Variants in PCDH15 observed in about 807,000 individuals in gnomAD.
The protein encoded by PCDH15 is protocadherin-15.
Under a neutral mutation model 178.5 loss-of-function variants are expected in PCDH15, and 129 were observed. The ratio of observed to expected loss-of-function variants is 0.72; its 90% CI spans 0.63 to 0.84. The LOEUF is 0.84. Among genes scored for constraint, PCDH15 ranks in the 40% least tolerant of loss-of-function variants. The pLI is 0.00. For synonymous variants in PCDH15, 800 were observed against 732.0 expected, an observed-to-expected ratio of 1.09 and a Z score of -1.50; for missense variants, 2,230 against 2,099.9, an observed-to-expected ratio of 1.06 and a Z score of -1.21.
intron 28 of PCDH15, among the ~76,000 whole-genome samples, chr10:53,854,232 C>A (rs1318229658): frequency 1.3e-5 from 2 of 151,834 alleles, no homozygotes; most frequent in African/African-American, 4.8e-5. Context: ...TGTAGGAAGA[C>A]AAAAGGTTGT....
chr10:54,742,965 A>G (rs562357876), intron 1 of PCDH15, among the ~76,000 whole-genome samples: 33 of 152,206 alleles, frequency 2.2e-4, no homozygotes, highest in African/African-American at 7.2e-4. Flanking sequence ...AAGTCTGGTA[A>G]AAGTTACAAA....
intron 1 of PCDH15, among the ~76,000 whole-genome samples, chr10:55,288,275 T>G (rs1842923460): frequency 2.7e-5 from 4 of 150,914 alleles, no homozygotes; most frequent in African/African-American, 9.7e-5. Flanking sequence ...AATAGACATG[T>G]TCATATTCAA....
At chr10:54,312,621 G>A (rs1383660571) in intron 8 of PCDH15, among the ~76,000 whole-genome samples, 1 of 152,100 alleles carries the variant, frequency 6.6e-6, no homozygotes, top group Non-Finnish European at 1.5e-5. Flanking sequence ...AGAGGCTTCA[G>A]TGGGGTGAAA....
chr10:54,476,261 G>T (rs2078264199), intron 3 of PCDH15, among the ~76,000 whole-genome samples: 1 of 151,762 alleles, frequency 6.6e-6, no homozygotes, highest in Non-Finnish European at 1.5e-5. Flanking sequence ...TACACTCAAG[G>T]CCCCTCATGC....
chr10:54,015,549 A>G (rs2092714374), intron 20 of PCDH15, among the ~76,000 whole-genome samples: 1 of 152,196 alleles, frequency 6.6e-6, no homozygotes, highest in Non-Finnish European at 1.5e-5. Context: ...GTACAAAAGC[A>G]GACATATAGA....
chr10:53,841,973 G>A (rs72793175), intron 28 of PCDH15, among the ~76,000 whole-genome samples: 27,525 of 147,344 alleles, frequency 0.19, 2,997 homozygotes, highest in Non-Finnish European at 0.26. Flanking sequence ...AAACAACCCC[G>A]GGAACCTGAA....
At chr10:55,394,727 T>C (rs1323639838) in intron 2 of PCDH15, among the ~76,000 whole-genome samples, 1 of 151,636 alleles carries the variant, frequency 6.6e-6, no homozygotes, top group Non-Finnish European at 1.5e-5. Context: ...TTAAGTGTAA[T>C]ATAATTAAAG....
At chr10:53,858,216 T>C (rs2078882208) in intron 27 of PCDH15, among the ~76,000 whole-genome samples, 1 of 152,102 alleles carries the variant, frequency 6.6e-6, no homozygotes, top group South Asian at 2.1e-4. Context: ...ACACTCTGAG[T>C]TAGGCATATT....
intron 3 of PCDH15, among the ~76,000 whole-genome samples, chr10:54,491,027 G>A (rs2079540441): frequency 6.6e-6 from 1 of 152,134 alleles, no homozygotes; most frequent in Non-Finnish European, 1.5e-5. Context: ...ATGGTCTGCA[G>A]CAAATGTGAA....
intron 2 of PCDH15, among the ~76,000 whole-genome samples, chr10:55,331,895 G>A (rs138114464): frequency 2.0e-4 from 31 of 152,114 alleles, no homozygotes; most frequent in African/African-American, 7.2e-4. Flanking sequence ...ATATGACAGC[G>A]TTCCATGATA....
rs1009077765 is a variant in PCDH15 at position 53,806,293 on chromosome 10, C to T, written c.*286G>A. ...ATAAATGATTATTTAGTAATTATTT[C>T]TTGTTTATTAAAATGAACAAAAATT... On this transcript the variant is annotated 3_prime_UTR_variant, in exon 38 of 38. Transcript: ENST00000644397. 7.1e-6 allele frequency: 2 copies of T among 281,020 alleles called. No homozygotes were observed. Among genetic ancestry groups the T allele is most frequent in the African/African-American group, 4.4e-5 (2 of 45,456 alleles). 17.4% of individuals were successfully genotyped at this position (281,020 alleles called of 1,614,324 possible). A position where few individuals can be genotyped will look rare whatever the true frequency, so the allele number is the denominator to read the frequency against.
chr10:54,749,308 A>T (rs1382940001), intron 1 of PCDH15, among the ~76,000 whole-genome samples: 6 of 152,206 alleles, frequency 3.9e-5, no homozygotes, highest in Non-Finnish European at 8.8e-5. Flanking sequence ...AGAACTAAGA[A>T]GAAATATATA....
chr10:55,141,362 T>G (rs1404435392), intron 2 of PCDH15, among the ~76,000 whole-genome samples: 2 of 151,984 alleles, frequency 1.3e-5, no homozygotes, highest in Non-Finnish European at 2.9e-5. Flanking sequence ...AGAGTCAAAT[T>G]GCTGCAAAAA....
At chr10:54,113,623 T>C (rs2132736718) in intron 15 of PCDH15, among the ~76,000 whole-genome samples, 1 of 126,994 alleles carries the variant, frequency 7.9e-6, no homozygotes, top group Non-Finnish European at 1.6e-5. Context: ...TCTCTACCGG[T>C]CCTTCTCCCA....
chr10:55,200,299 G>A (rs1048237598), intron 1 of PCDH15, among the ~76,000 whole-genome samples: 5 of 152,116 alleles, frequency 3.3e-5, no homozygotes, highest in Admixed American at 1.3e-4. Context: ...AGATTATTTT[G>A]GAGCTTTACA....
At chr10:54,884,016 G>A (rs923267055) in intron 3 of PCDH15, among the ~76,000 whole-genome samples, 2 of 151,968 alleles carry the variant, frequency 1.3e-5, no homozygotes, top group East Asian at 1.9e-4. Context: ...TGTAACATGG[G>A]GAATTTAGTT....
At chr10:55,416,396 A>T (rs967422952) in intron 2 of PCDH15, among the ~76,000 whole-genome samples, 2 of 151,842 alleles carry the variant, frequency 1.3e-5, no homozygotes, top group African/African-American at 4.8e-5. Context: ...AATCTAATGT[A>T]AATGAAAGTG....
intron 2 of PCDH15, among the ~76,000 whole-genome samples, chr10:55,608,016 C>T (rs947173709): frequency 9.2e-5 from 14 of 151,926 alleles, no homozygotes; most frequent in South Asian, 4.2e-4. Context: ...CAAGCAAAAG[C>T]GCCTACTGGT....
chr10:55,446,722 T>C (rs1358807956), intron 2 of PCDH15, among the ~76,000 whole-genome samples: 1 of 152,112 alleles, frequency 6.6e-6, no homozygotes, highest in Non-Finnish European at 1.5e-5. Context: ...GGCTTTATTG[T>C]TTCCAGTTGC....
Sources: allele counts gnomAD v4.1 joint callset (sites outside exome capture counted in the v4.1 genomes callset), GRCh38; gene constraint gnomAD v4.1.1; transcripts MANE v1.5; gene names NCBI Gene and HGNC (gene_info 2026-07-23, HGNC 2026-07-21).